The following CNGA1 variants were observed in gnomAD, a reference collection of about 807,000 sequenced individuals.
The protein encoded by CNGA1 is cyclic nucleotide gated channel subunit alpha 1.
A neutral mutation model predicts 69.7 loss-of-function variants in CNGA1; 53 were observed. That is an observed-to-expected ratio of 0.76 (90% CI 0.61 to 0.96). The LOEUF (loss-of-function observed/expected upper bound fraction) is 0.96. Ranked by LOEUF, CNGA1 falls within the 40% of genes least tolerant of loss-of-function variation. The pLI, the probability that CNGA1 is intolerant of heterozygous loss-of-function variation, is 0.00. For synonymous variants in CNGA1, 249 were observed against 283.5 expected (o/e 0.88, Z 1.22); for missense variants, 739 against 811.2 (o/e 0.91, Z 1.08).
In CNGA1 at chr4:47,998,573, G is replaced by A. The variant is rs1007287993; in HGVS notation, c.-123+12221C>T. Among the ~76,000 whole-genome samples the A allele has an allele frequency of 9.2e-5, 14 of 152,086 alleles. No homozygotes were observed. In the East Asian group the frequency reaches 1.2e-3, roughly 13 times the overall value. On this transcript the variant is annotated intron_variant, in intron 2 of 10. Transcript: ENST00000514170. ...GCAGATCATTTGAGGTCAAGAGTTC[G>A]AGACCAGCCTGACCAACATGGTGAA...
chr4:48,004,467 T>C (rs2109349589), intron 2 of CNGA1, among the ~76,000 whole-genome samples: 1 of 152,298 alleles, frequency 6.6e-6, no homozygotes, highest in East Asian at 1.9e-4. Flanking sequence ...CCCTACACTT[T>C]TCTTTTAAAA....
chr4:47,997,842 C>A (rs1560311813), intron 2 of CNGA1, among the ~76,000 whole-genome samples: 1 of 152,108 alleles, frequency 6.6e-6, no homozygotes, highest in Non-Finnish European at 1.5e-5. Flanking sequence ...TCCCACAAAT[C>A]AACAATAGAT....
At chr4:47,960,694 G>A (rs546323678) in intron 3 of CNGA1, among the ~76,000 whole-genome samples, 2 of 143,882 alleles carry the variant, frequency 1.4e-5, no homozygotes, top group Admixed American at 7.2e-5. Flanking sequence ...ATCAATAGAG[G>A]AATGGATAAA....
At chr4:47,986,243 A>T (rs1741973945) in intron 2 of CNGA1, among the ~76,000 whole-genome samples, 2 of 152,090 alleles carry the variant, frequency 1.3e-5, no homozygotes, top group Non-Finnish European at 2.9e-5. Flanking sequence ...CCCCATCTCT[A>T]CTAAAATACA....
intron 2 of CNGA1, among the ~76,000 whole-genome samples, chr4:47,989,654 T>C (rs2110231650): frequency 6.6e-6 from 1 of 152,318 alleles, no homozygotes; most frequent in East Asian, 1.9e-4. Flanking sequence ...AAAATTTTTT[T>C]TGTTTCCGTA....
Position 47,936,210 on chromosome 4 carries a change from A to G in CNGA1, c.*211T>C. The G allele has an allele frequency of 3.3e-6, 2 of 602,232 alleles. No individual in the cohort carries two copies. The highest frequency in any genetic ancestry group is 5.9e-6 in the Non-Finnish European group (2 of 341,168). The allele number at this position is 602,232 out of a possible 1,614,324, so 37.3% of individuals were successfully genotyped here. On this transcript the variant is annotated 3_prime_UTR_variant, in exon 11 of 11. Transcript: ENST00000514170. The stretch of plus-strand genomic sequence containing the variant: ...TAATCAGTTTATATCTTTGCACATT[A>G]TCAGTTGTGAAAAATCCCAAGATAT...
At position 47,936,816 on chromosome 4, in the gene CNGA1, G is replaced by A. The variant is rs567961453; in HGVS notation, c.1666C>T (p.Arg556Ter). 9.3e-6 allele frequency: 15 copies of A among 1,613,938 alleles called. No homozygotes were observed. Among genetic ancestry groups the A allele is most frequent in the South Asian group, 2.2e-5 (2 of 91,078 alleles). ...LNIKGSKAGN[R>*]RTANIKSIGY... ...ATACTTTTAATATTGGCCGTTCTTC[G>A]ATTGCCAGCTTTGCTCCCTTTAATG... is the stretch of plus-strand genomic sequence containing the variant. Residue 556 changes from arginine to a stop codon, truncating the protein, a stop_gained, in exon 11 of 11, where the codon CGA becomes TGA. Coordinates refer to ENST00000514170, the MANE Select transcript of CNGA1 (RefSeq NM_001379270.1). LOFTEE classifies it high-confidence loss of function.
At chr4:47,938,302 G>T (rs1560618331) in intron 10 of CNGA1, among the ~76,000 whole-genome samples, 1 of 108,014 alleles carries the variant, frequency 9.3e-6, no homozygotes, top group Non-Finnish European at 1.9e-5. Flanking sequence ...TAGCATTCTT[G>T]TGATATTGTG....
chr4:47,973,560 T>A (rs1483369933), intron 3 of CNGA1, among the ~76,000 whole-genome samples: 1 of 152,196 alleles, frequency 6.6e-6, no homozygotes, highest in Non-Finnish European at 1.5e-5. Context: ...ATGATGCATT[T>A]GTTATTTACA....
At chr4:47,944,401 G>A (rs1739270779) in intron 6 of CNGA1, among the ~76,000 whole-genome samples, 1 of 152,186 alleles carries the variant, frequency 6.6e-6, no homozygotes, top group Admixed American at 6.5e-5. Context: ...GTTGGATAAG[G>A]AAGAATTTAC....
intron 3 of CNGA1, among the ~76,000 whole-genome samples, chr4:47,981,151 G>A (rs569754234): frequency 5.3e-5 from 8 of 152,270 alleles, no homozygotes; most frequent in Non-Finnish European, 1.0e-4. Flanking sequence ...ACTAAAATTT[G>A]TGAAAAGCAG....
At chr4:47,970,003 A>ACTCC (rs1332007379) in intron 3 of CNGA1, among the ~76,000 whole-genome samples, 1 of 152,206 alleles carries the variant, frequency 6.6e-6, no homozygotes, top group Non-Finnish European at 1.5e-5. Context: ...ATACTTTTGA[A>ACTCC]GGAGGTTCTC....
intron 10 of CNGA1, among the ~76,000 whole-genome samples, chr4:47,939,945 T>G (rs1738968480): frequency 6.6e-6 from 1 of 152,224 alleles, no homozygotes; most frequent in Non-Finnish European, 1.5e-5. Context: ...TATTCTTGCC[T>G]TACCCCTTCG....
chr4:47,991,006 T>TTA (rs746160195), intron 2 of CNGA1, among the ~76,000 whole-genome samples: 75 of 152,000 alleles, frequency 4.9e-4, no homozygotes, highest in Admixed American at 2.2e-3. Context: ...TAGTATTCCA[T>TTA]TATATATATA....
At chr4:47,941,998 T>TGG in intron 9 of CNGA1, 43 bp downstream of exon 9, 1 of 1,179,996 alleles carries the variant, frequency 8.5e-7, no homozygotes, top group Non-Finnish European at 1.2e-6. Context: ...AAACTAGAAA[T>TGG]GGGGTGAGAT....
chr4:47,963,124 AT>A (rs971171809), intron 3 of CNGA1, among the ~76,000 whole-genome samples: 1 of 152,056 alleles, frequency 6.6e-6, no homozygotes, highest in East Asian at 1.9e-4. Context: ...CATTTGGCTA[AT>A]TTTTTTGTAG....
chr4:47,947,229 G>C (rs1004793225), intron 6 of CNGA1, among the ~76,000 whole-genome samples: 2 of 152,212 alleles, frequency 1.3e-5, no homozygotes, highest in African/African-American at 4.8e-5. Context: ...ACAGCATGTT[G>C]CATAGATGGG....
chr4:47,984,916 C>T (rs1015122643), intron 2 of CNGA1, among the ~76,000 whole-genome samples: 4 of 152,060 alleles, frequency 2.6e-5, no homozygotes, highest in Non-Finnish European at 5.9e-5. Context: ...GTTCACTTTA[C>T]TTTAGCCTCT....
intron 6 of CNGA1, among the ~76,000 whole-genome samples, chr4:47,945,425 T>C (rs1240130657): frequency 1.3e-5 from 2 of 152,110 alleles, no homozygotes; most frequent in Non-Finnish European, 1.5e-5. Context: ...ATTACTTAGA[T>C]CACTATACTC....
Sources: allele counts gnomAD v4.1 joint callset (sites outside exome capture counted in the v4.1 genomes callset), GRCh38; gene constraint gnomAD v4.1.1; transcripts MANE v1.5; gene names NCBI Gene and HGNC (gene_info 2026-07-23, HGNC 2026-07-21).